TJP1: variants seen among roughly 807,000 people sequenced by gnomAD.
TJP1 encodes tight junction protein ZO-1.
A neutral mutation model predicts 194.2 loss-of-function variants in TJP1; 43 were observed. The ratio of observed to expected loss-of-function variants is 0.22; its 90% CI spans 0.17 to 0.29. TJP1 has a LOEUF of 0.29. Ranked by LOEUF, TJP1 falls within the 10% of genes least tolerant of loss-of-function variation. The pLI, the probability that TJP1 is intolerant of heterozygous loss-of-function variation, is 1.00. For missense variants in TJP1, 1,971 were observed against 2,185.7 expected, an observed-to-expected ratio of 0.90 and a Z score of 1.96; for synonymous variants, 801 against 779.0, an observed-to-expected ratio of 1.03 and a Z score of -0.47.
intron 2 of TJP1, among the ~76,000 whole-genome samples, chr15:29,906,166 A>G (rs1191513428): frequency 5.9e-5 from 9 of 152,100 alleles, no homozygotes; most frequent in Non-Finnish European, 1.3e-4. Flanking sequence ...CTGTGAACCT[A>G]AAACTGCTCT....
intron 2 of TJP1, among the ~76,000 whole-genome samples, chr15:29,798,043 G>A (rs1032922909): frequency 1.2e-4 from 18 of 152,082 alleles, no homozygotes; most frequent in African/African-American, 3.6e-4. Context: ...GCGTGATCTC[G>A]GCTCATTGCA....
intron 2 of TJP1, among the ~76,000 whole-genome samples, chr15:29,885,275 A>C (rs1411649653): frequency 6.6e-6 from 1 of 152,158 alleles, no homozygotes; most frequent in East Asian, 1.9e-4. Context: ...GGGTCAGAAA[A>C]TGAGTACGTG....
chr15:29,766,895 C>T (rs1019051801), intron 4 of TJP1, among the ~76,000 whole-genome samples: 3 of 152,182 alleles, frequency 2.0e-5, no homozygotes, highest in African/African-American at 7.2e-5. Context: ...CTAATGCCAT[C>T]AAATATACTC....
chr15:29,750,027 G>A lies in TJP1; in HGVS notation c.1011-7246C>T, dbSNP rs2045148265. Among the ~76,000 whole-genome samples, 3 of 146,632 alleles carry A rather than the reference G, an allele frequency of 2.0e-5. No individual in the cohort carries two copies. The South Asian group carries it at 6.7e-4, about 33-fold the overall frequency. On this transcript the variant is annotated intron_variant, in intron 8 of 27. Transcript: ENST00000614355. ...CCGGCTAATTTTTTTTTTTTTTTGA[G>A]ACTGAGTCTCGGTCTGTCACCCAGG...
chr15:29,917,513 A>C (rs1056851406), intron 2 of TJP1, among the ~76,000 whole-genome samples: 1 of 152,204 alleles, frequency 6.6e-6, no homozygotes, highest in African/African-American at 2.4e-5. Flanking sequence ...TGGAAAATGA[A>C]TACAGAAGTA....
Position 29,762,453 on chromosome 15 carries a change from G to GT in TJP1, c.590-16dup. On this transcript the variant is annotated splice_polypyrimidine_tract_variant and intron_variant, in intron 5 of 27. Transcript: ENST00000614355. ...AAGACCATATTCTGAAATAATGTAA[G>GT]TAAGTGTTTTTAGTATAACATCCTA... 4.4e-6 allele frequency: 7 copies of GT among 1,600,944 alleles called. No individual in the cohort carries two copies. The highest frequency in any genetic ancestry group is 2.7e-5 in the African/African-American group (2 of 74,730).
Position 29,705,425 on chromosome 15 carries a change from GAT to G in TJP1, c.5068+101_5068+102del, listed in dbSNP as rs1566850018. 1.2e-5 allele frequency: 14 copies of G among 1,198,236 alleles called. No homozygotes were observed. In the Admixed American group the frequency reaches 1.9e-4, roughly 16 times the overall value. The allele number at this position is 1,198,236 out of a possible 1,614,324, so 74.2% of individuals were successfully genotyped here. ...CCCCTCGCTACAGCACTCATCTGGA[GAT>G]AGAGAGGTGCTGCATTATTAGCCAA... On this transcript the variant is annotated intron_variant, in intron 26 of 27. Transcript: ENST00000614355.
intron 2 of TJP1, among the ~76,000 whole-genome samples, chr15:29,791,566 G>A (rs1160779673): frequency 1.3e-5 from 2 of 151,142 alleles, no homozygotes; most frequent in Non-Finnish European, 1.5e-5. Flanking sequence ...GACTACAGGC[G>A]CCCACCACCA....
rs1156724424 is a variant in TJP1 at position 29,908,048 on chromosome 15, C to CAAAAAAAAAAAAAAAAAAAAAAAAAAAAA, written c.306+48155_306+48183dup. The stretch of plus-strand genomic sequence containing the variant: ...AAAGTTGAGAAATTACCTTATAAAG[C>CAAAAAAAAAAAAAAAAAAAAAAAAAAAAA]AAAAAAAAAAAAAAAAAAAAAAAAA... On this transcript the variant is annotated intron_variant, in intron 2 of 28. Coordinates refer to the TJP1 transcript ENST00000356107. Among the ~76,000 whole-genome samples the CAAAAAAAAAAAAAAAAAAAAAAAAAAAAA allele has an allele frequency of 2.0e-4, 4 of 19,524 alleles. 1 individual carries two copies. Among genetic ancestry groups the CAAAAAAAAAAAAAAAAAAAAAAAAAAAAA allele is most frequent in the Non-Finnish European group, 2.9e-4 (3 of 10,186 alleles). 12.8% of individuals were successfully genotyped at this position (19,524 alleles called of 152,430 possible). A position where few individuals can be genotyped will look rare whatever the true frequency, so the allele number is the denominator to read the frequency against.
intron 2 of TJP1, among the ~76,000 whole-genome samples, chr15:29,791,180 C>A (rs979921344): frequency 1.3e-5 from 2 of 151,886 alleles, no homozygotes; most frequent in African/African-American, 2.4e-5. Context: ...GTGCACACCA[C>A]CACATTTGGC....
intron 1 of TJP1, among the ~76,000 whole-genome samples, chr15:29,964,774 C>A (rs932677149): frequency 2.0e-5 from 3 of 152,150 alleles, no homozygotes; most frequent in Non-Finnish European, 4.4e-5. Context: ...GTAGAGGTAA[C>A]CAGGCTTTGT....
chr15:29,723,453 A>C (rs940222939), intron 18 of TJP1, among the ~76,000 whole-genome samples: 1 of 152,268 alleles, frequency 6.6e-6, no homozygotes, highest in East Asian at 1.9e-4. Flanking sequence ...CACTGTCTTA[A>C]GTTTCCTGAG....
intron 1 of TJP1, among the ~76,000 whole-genome samples, chr15:29,961,334 C>CTTTTTTTTTTT (rs5811594): frequency 1.1e-5 from 1 of 89,818 alleles, no homozygotes; most frequent in African/African-American, 4.6e-5. Context: ...TTTCCTAATT[C>CTTTTTTTTTTT]TTTTTTTTTT....
At chr15:29,699,393 C>G (rs2041411434), downstream of TJP1, 1 of 152,144 alleles carries the variant, frequency 6.6e-6, no homozygotes, top group African/African-American at 2.4e-5. Flanking sequence ...TTATATGACA[C>G]TGTCAAAAAG....
intron 2 of TJP1, among the ~76,000 whole-genome samples, chr15:29,931,562 T>G (rs2054715089): frequency 6.6e-6 from 1 of 152,202 alleles, no homozygotes; most frequent in East Asian, 1.9e-4. Flanking sequence ...CTGCTAGGGT[T>G]TTCTGTGTGG....
chr15:29,827,689 T>C (rs555693559), intron 2 of TJP1, among the ~76,000 whole-genome samples: 79 of 152,342 alleles, frequency 5.2e-4, no homozygotes, highest in African/African-American at 1.9e-3. Context: ...TGTTCTTTAC[T>C]CTGAACATGA....
intron 11 of TJP1, among the ~76,000 whole-genome samples, chr15:29,735,524 C>A (rs1231168641): frequency 6.7e-6 from 1 of 148,258 alleles, no homozygotes; most frequent in African/African-American, 2.5e-5. Flanking sequence ...GTGTTTAAGG[C>A]TGCAGTGAGC....
intron 4 of TJP1, 97 bp from the exon 5 acceptor site, chr15:29,766,639 T>TAACTATG (rs2046349207): frequency 8.2e-7 from 1 of 1,219,394 alleles, no homozygotes; most frequent in South Asian, 1.9e-5. Flanking sequence ...CATCCCATAT[T>TAACTATG]AACTATGAAC....
chr15:29,958,500 T>C (rs2056032088), intron 1 of TJP1, among the ~76,000 whole-genome samples: 1 of 152,246 alleles, frequency 6.6e-6, no homozygotes, highest in Non-Finnish European at 1.5e-5. Flanking sequence ...CTTATTAATA[T>C]GATTGAGTTT....
Sources: gnomAD v4.1 joint callset for allele counts (sites outside exome capture counted in the v4.1 genomes callset) on GRCh38, gnomAD v4.1.1 for gene constraint, MANE v1.5 for transcripts, NCBI Gene and HGNC (gene_info 2026-07-23, HGNC 2026-07-21) for gene names.